NEDD4: variants seen among roughly 807,000 people sequenced by gnomAD.
NEDD4 encodes the protein NEDD4 E3 ubiquitin protein ligase.
Under a neutral mutation model 144.9 loss-of-function variants are expected in NEDD4, and 99 were observed. The ratio of observed to expected loss-of-function variants is 0.68; its 90% confidence interval spans 0.58 to 0.81. The LOEUF is 0.81. Among genes scored for constraint, NEDD4 ranks in the 30% least tolerant of loss-of-function variants. The pLI, the probability that NEDD4 is intolerant of heterozygous loss-of-function variation, is 0.00. For synonymous variants in NEDD4, 318 were observed against 350.6 expected, an observed-to-expected ratio of 0.91 and a Z score of 1.04; for missense variants, 985 against 1,065.9, an observed-to-expected ratio of 0.92 and a Z score of 1.06.
At chr15:55,946,764 A>T (rs1391641412) in intron 4 of NEDD4, among the ~76,000 whole-genome samples, 2 of 151,924 alleles carry the variant, frequency 1.3e-5, no homozygotes, top group Non-Finnish European at 2.9e-5. Flanking sequence ...GAAGTAAAGC[A>T]CTCCTCAGCA....
chr15:55,848,297 T>C, intron 17 of NEDD4, 75 bp downstream of exon 17: 2 of 1,395,116 alleles, frequency 1.4e-6, no homozygotes, highest in Non-Finnish European at 2.0e-6. Flanking sequence ...TGTAGGGTTA[T>C]GCCCGTGACT....
intron 5 of NEDD4, among the ~76,000 whole-genome samples, chr15:55,893,051 A>C (rs1418477789): frequency 6.6e-6 from 1 of 152,148 alleles, no homozygotes; most frequent in Non-Finnish European, 1.5e-5. Flanking sequence ...ATTACAGTAA[A>C]CTAACCTGAG....
chr15:55,869,574 C>T lies in NEDD4; in HGVS notation c.507+5G>A. 1 of 1,537,674 alleles carries T rather than the reference C, an allele frequency of 6.5e-7. No individual in the cohort carries two copies. The highest frequency in any genetic ancestry group is 8.8e-7 in the Non-Finnish European group (1 of 1,134,662). On this transcript the variant is annotated splice_donor_5th_base_variant and intron_variant, in intron 8 of 28. Coordinates refer to ENST00000435532, the MANE Select transcript of NEDD4 (RefSeq NM_006154.4). ...TAGTTTAACCAAATATTTATAAAAT[C>T]TCACCTCTAATTCCTCAGCCTGTTC... is the stretch of plus-strand genomic sequence containing the variant.
At chr15:55,993,255 CAAGT>C (rs1475495070) in intron 1 of NEDD4, among the ~76,000 whole-genome samples, 2 of 152,320 alleles carry the variant, frequency 1.3e-5, no homozygotes, top group East Asian at 1.9e-4. Flanking sequence ...AGGAAACTGA[CAAGT>C]AAGGCGGCGG....
intron 4 of NEDD4, among the ~76,000 whole-genome samples, chr15:55,926,857 C>T (rs1388048700): frequency 6.6e-6 from 1 of 152,106 alleles, no homozygotes; most frequent in Non-Finnish European, 1.5e-5. Context: ...AGGCAGATCA[C>T]TTGAGTTCAG....
intron 1 of NEDD4, among the ~76,000 whole-genome samples, chr15:55,982,919 C>T (rs1258581206): frequency 6.6e-5 from 10 of 151,942 alleles, no homozygotes; most frequent in East Asian, 5.8e-4. Flanking sequence ...GTCAGGAGTT[C>T]GAGACCAGCC....
At chr15:55,981,474 A>G (rs1294117839) in intron 1 of NEDD4, among the ~76,000 whole-genome samples, 2 of 152,172 alleles carry the variant, frequency 1.3e-5, no homozygotes, top group African/African-American at 4.8e-5. Flanking sequence ...TCTGGTATGT[A>G]AATTTATTTG....
chr15:55,834,544 C>A (rs889760993), intron 24 of NEDD4, among the ~76,000 whole-genome samples: 1 of 152,108 alleles, frequency 6.6e-6, no homozygotes, highest in Non-Finnish European at 1.5e-5. Flanking sequence ...GTAATCCCAG[C>A]ACTTTGGGAG....
chr15:55,862,931 C>T lies in NEDD4; in HGVS notation c.656G>A (p.Trp219Ter). Residue 219 changes from tryptophan to a stop codon, truncating the protein, a stop_gained, in exon 9 of 29, where the codon TGG (tryptophan) becomes TAG (stop). Coordinates refer to ENST00000435532, the MANE Select transcript of NEDD4 (RefSeq NM_006154.4). LOFTEE classifies it high-confidence loss of function. Reference protein sequence around the residue: ...YVNHESRRTQWKRPTPQDNLT... With the variant: ...YVNHESRRTQ ...CACATACTGAGGGGTTGGTCTTTTC[C>T]ACTGTGTTCTTCTAGATTCATGGTT... The T allele has an allele frequency of 1.2e-6, 2 of 1,604,236 alleles. No homozygotes were observed. Among genetic ancestry groups the T allele is most frequent in the Middle Eastern group, 1.7e-4 (1 of 5,944 alleles).
rs1329043458 is a variant in NEDD4 at position 55,828,086 on chromosome 15, T to G, written c.*1811A>C. ...CTCATCCTTGACTGCTGGTTGACAA[T>G]GGTGAAGACAAAACGCAGGGTACAT... On this transcript the variant is annotated 3_prime_UTR_variant, in exon 29 of 29. Coordinates refer to ENST00000435532, the MANE Select transcript of NEDD4 (RefSeq NM_006154.4). 1 of 152,222 alleles carries G rather than the reference T, an allele frequency of 6.6e-6. No individual in the cohort carries two copies. Among genetic ancestry groups the G allele is most frequent in the East Asian group, 1.9e-4 (1 of 5,198 alleles). 9.4% of individuals were successfully genotyped at this position (152,222 alleles called of 1,614,324 possible).
chr15:55,846,085 C>A (rs188415577), intron 18 of NEDD4, among the ~76,000 whole-genome samples: 1 of 151,924 alleles, frequency 6.6e-6, no homozygotes, highest in East Asian at 1.9e-4. Context: ...CTGCACCTGG[C>A]CCACAAAATT....
In NEDD4 at chr15:55,838,117, C is replaced by G; in HGVS notation, c.2191G>C (p.Glu731Gln). 6.4e-7 allele frequency: 1 copy of G among 1,563,262 alleles called. No individual in the cohort carries two copies. Among genetic ancestry groups the G allele is most frequent in the Non-Finnish European group, 8.7e-7 (1 of 1,144,432 alleles). The change falls in exon 23 of 29, where the codon GAA (glutamate) becomes CAA (glutamine). Residue 731 changes from glutamate (E) to glutamine (Q), a missense_variant. By Grantham distance (29) the Glu-to-Gln change is conservative. Coordinates refer to ENST00000435532, the MANE Select transcript of NEDD4 (RefSeq NM_006154.4). Reference sequence around the variant, plus strand: ...TAATAAAATACTTACTAAATATATTCCTTTTTGTTCTTATTGGTGACAACT... The same window carrying G: ...TAATAAAATACTTACTAAATATATTGCTTTTTGTTCTTATTGGTGACAACT... ...EIVVTNKNKK[E>Q]YIYLVIQWRF...
intron 5 of NEDD4, among the ~76,000 whole-genome samples, chr15:55,900,275 G>C (rs772201886): frequency 9.9e-5 from 15 of 152,142 alleles, no homozygotes; most frequent in Non-Finnish European, 4.4e-5. Flanking sequence ...GTTTTAGAGC[G>C]CATGGGAGCC....
chr15:55,967,916 G>C (rs1465502841), intron 1 of NEDD4, among the ~76,000 whole-genome samples: 1 of 152,038 alleles, frequency 6.6e-6, no homozygotes, highest in African/African-American at 2.4e-5. Flanking sequence ...GAGAGGGTGA[G>C]GCAGGAGGAT....
At chr15:55,841,223 C>T (rs192695119) in intron 19 of NEDD4, among the ~76,000 whole-genome samples, 2 of 152,320 alleles carry the variant, frequency 1.3e-5, no homozygotes, top group African/African-American at 2.4e-5. Flanking sequence ...TGAGCCACCA[C>T]GCCCAGCCTA....
intron 5 of NEDD4, among the ~76,000 whole-genome samples, chr15:55,909,594 A>G (rs2036205438): frequency 6.6e-6 from 1 of 152,082 alleles, no homozygotes; most frequent in Non-Finnish European, 1.5e-5. Flanking sequence ...TCCTGACCTC[A>G]ACACATCGCC....
chr15:55,890,489 T>C (rs1299600708), intron 5 of NEDD4, among the ~76,000 whole-genome samples: 1 of 152,198 alleles, frequency 6.6e-6, no homozygotes, highest in Non-Finnish European at 1.5e-5. Flanking sequence ...TTTTACTTAG[T>C]ATGTTTCCAA....
intron 5 of NEDD4, among the ~76,000 whole-genome samples, chr15:55,883,782 C>CT (rs1272930410): frequency 2.0e-5 from 3 of 151,864 alleles, no homozygotes; most frequent in Non-Finnish European, 4.4e-5. Flanking sequence ...GAGAGACACT[C>CT]TATTTGTCTG....
chr15:55,979,291 T>C (rs1379688206), intron 1 of NEDD4, among the ~76,000 whole-genome samples: 1 of 150,592 alleles, frequency 6.6e-6, no homozygotes, highest in Non-Finnish European at 1.5e-5. Flanking sequence ...GAAGGAAATA[T>C]GCAAAAATAA....
Sources: allele counts gnomAD v4.1 joint callset (sites outside exome capture counted in the v4.1 genomes callset), GRCh38; gene constraint gnomAD v4.1.1; transcripts MANE v1.5; gene names NCBI Gene and HGNC (gene_info 2026-07-23, HGNC 2026-07-21).